The following NUDT3 variants were observed in gnomAD, a reference collection of about 807,000 sequenced individuals.
NUDT3 encodes diphosphoinositol polyphosphate phosphohydrolase 1.
In NUDT3, 9 loss-of-function variants were observed where a neutral mutation model predicts 23.6. The ratio of observed to expected loss-of-function variants is 0.38; its 90% confidence interval spans 0.23 to 0.66. NUDT3 has a LOEUF of 0.66. Among genes scored for constraint, NUDT3 ranks in the 30% least tolerant of loss-of-function variants. The probability of loss-of-function intolerance (pLI) is 0.52; values close to 1 mark genes in which losing one functional copy is unlikely to be tolerated. For synonymous variants in NUDT3, 86 were observed against 82.6 expected, an observed-to-expected ratio of 1.04 and a Z score of -0.22; for missense variants, 172 against 218.5, an observed-to-expected ratio of 0.79 and a Z score of 1.34.
intron 2 of NUDT3, among the ~76,000 whole-genome samples, chr6:34,308,636 G>C (rs73744878): frequency 6.6e-6 from 1 of 152,030 alleles, no homozygotes; most frequent in Non-Finnish European, 1.5e-5. Context: ...ATGCAAGCAG[G>C]AGTAACTAAC....
intron 2 of NUDT3, among the ~76,000 whole-genome samples, chr6:34,338,630 T>C (rs1328233651): frequency 6.6e-6 from 1 of 152,228 alleles, no homozygotes; most frequent in Non-Finnish European, 1.5e-5. Context: ...GTGCAGACTC[T>C]GAACTGGATT....
At chr6:34,375,456 C>T (rs775540586) in intron 1 of NUDT3, among the ~76,000 whole-genome samples, 3 of 152,156 alleles carry the variant, frequency 2.0e-5, no homozygotes, top group African/African-American at 4.8e-5. Context: ...CACAGAAGGC[C>T]CACAATTGTT....
chr6:34,295,242 G>A (rs1031989647), intron 3 of NUDT3, among the ~76,000 whole-genome samples: 4 of 151,922 alleles, frequency 2.6e-5, no homozygotes, highest in African/African-American at 9.7e-5. Context: ...ACTCACCGAG[G>A]TTGGGCATGG....
intron 2 of NUDT3, among the ~76,000 whole-genome samples, chr6:34,314,859 T>C (rs572669122): frequency 6.8e-4 from 103 of 152,306 alleles, no homozygotes; most frequent in African/African-American, 2.4e-3. Context: ...TATTATATCA[T>C]GATATCTATG....
intron 2 of NUDT3, among the ~76,000 whole-genome samples, chr6:34,302,474 T>C (rs1763613571): frequency 6.6e-6 from 1 of 152,228 alleles, no homozygotes; most frequent in Non-Finnish European, 1.5e-5. Context: ...GGCTCATGCC[T>C]GTAATCCCAG....
At chr6:34,324,708 G>A (rs1763996220) in intron 2 of NUDT3, among the ~76,000 whole-genome samples, 1 of 152,154 alleles carries the variant, frequency 6.6e-6, no homozygotes, top group Non-Finnish European at 1.5e-5. Flanking sequence ...ATAGTCAATA[G>A]TATCTACCAT....
chr6:34,338,923 A>G (rs1764249525), intron 2 of NUDT3, among the ~76,000 whole-genome samples: 1 of 152,252 alleles, frequency 6.6e-6, no homozygotes, highest in South Asian at 2.1e-4. Flanking sequence ...TGATTTATTA[A>G]GGGATAAAAA....
At chr6:34,370,478 G>A (rs1764809337) in intron 1 of NUDT3, among the ~76,000 whole-genome samples, 1 of 152,192 alleles carries the variant, frequency 6.6e-6, no homozygotes, top group South Asian at 2.1e-4. Flanking sequence ...CTGCTTCTGG[G>A]TCAGACAGCC....
intron 1 of NUDT3, among the ~76,000 whole-genome samples, chr6:34,353,647 G>A (rs572867920): frequency 7.2e-5 from 11 of 151,778 alleles, no homozygotes; most frequent in African/African-American, 1.9e-4. Flanking sequence ...CAAGTGATCC[G>A]CCTGCCTTGG....
At chr6:34,344,658 CT>C (rs1022169419) in intron 1 of NUDT3, among the ~76,000 whole-genome samples, 17 of 147,782 alleles carry the variant, frequency 1.2e-4, no homozygotes, top group Non-Finnish European at 9.0e-5. Flanking sequence ...ATGAATTGTT[CT>C]TTTTTTTTTT....
rs1375008238 is a variant in NUDT3 at position 34,286,913 on chromosome 6, C to T, written c.*1840G>A. ...TCAAGCGATTATCTCGCCTCAGCCT[C>T]CCAAGTAGCTGGGATTACAGGCGCC... On this transcript the variant is annotated 3_prime_UTR_variant, in exon 5 of 5. Coordinates refer to ENST00000607016, the MANE Select transcript of NUDT3 (RefSeq NM_006703.4). The T allele has an allele frequency of 6.6e-6, 1 of 151,736 alleles. No individual in the cohort carries two copies. The highest frequency in any genetic ancestry group is 6.6e-5 in the Admixed American group (1 of 15,240). The allele number at this position is 151,736 out of a possible 1,614,324, so 9.4% of individuals were successfully genotyped here.
chr6:34,337,692 CAACA>C (rs57348661), intron 2 of NUDT3, among the ~76,000 whole-genome samples: 4,457 of 152,264 alleles, frequency 0.029, 196 homozygotes, highest in African/African-American at 0.098. Context: ...GCAACAGTGA[CAACA>C]AATAAGGTGA....
chr6:34,337,193 A>C (rs867735702), intron 2 of NUDT3, among the ~76,000 whole-genome samples: 2 of 152,300 alleles, frequency 1.3e-5, no homozygotes, highest in African/African-American at 4.8e-5. Flanking sequence ...TTATCCTCTC[A>C]ATAATGCTGG....
At chr6:34,355,827 G>A (rs969548705) in intron 1 of NUDT3, among the ~76,000 whole-genome samples, 23 of 151,942 alleles carry the variant, frequency 1.5e-4, no homozygotes, top group Non-Finnish European at 1.2e-4. Flanking sequence ...AAGAGGAAAG[G>A]GTTTGGGGAA....
chr6:34,348,258 C>A (rs1764410678), intron 1 of NUDT3, among the ~76,000 whole-genome samples: 1 of 151,860 alleles, frequency 6.6e-6, no homozygotes, highest in Non-Finnish European at 1.5e-5. Flanking sequence ...TGCATTCCAG[C>A]CTGGGCAATG....
intron 4 of NUDT3, among the ~76,000 whole-genome samples, chr6:34,291,514 T>C (rs190281480): frequency 6.6e-6 from 1 of 151,174 alleles, no homozygotes; most frequent in East Asian, 1.9e-4. Context: ...TGACAAAAAT[T>C]TTTTTTTTTG....
At chr6:34,305,718 G>C (rs139548679) in intron 2 of NUDT3, among the ~76,000 whole-genome samples, 1 of 152,164 alleles carries the variant, frequency 6.6e-6, no homozygotes, top group African/African-American at 2.4e-5. Context: ...ATGATGTGAA[G>C]TGCTTTCACA....
intron 2 of NUDT3, among the ~76,000 whole-genome samples, chr6:34,299,875 C>G (rs1273090728): frequency 6.6e-6 from 1 of 150,988 alleles, no homozygotes; most frequent in Non-Finnish European, 1.5e-5. Context: ...TGCACTCCAG[C>G]CTGGGTGACA....
Position 34,345,205 on chromosome 6 carries a change from C to T in NUDT3, c.100-3233G>A, listed in dbSNP as rs948753293. Among the ~76,000 whole-genome samples, 70 of 151,872 alleles carry T rather than the reference C, an allele frequency of 4.6e-4. 1 individual carries two copies. Among genetic ancestry groups the T allele is most frequent in the East Asian group, 4.0e-3 (20 of 5,046 alleles). The stretch of plus-strand genomic sequence containing the variant: ...CTGGGATTACAGGTGCCCACGACCA[C>T]GTCCAGCTAATTTTTTGTATTTTTA... On this transcript the variant is annotated intron_variant, in intron 1 of 4. Transcript: ENST00000607016.
Sources: allele counts gnomAD v4.1 joint callset (sites outside exome capture counted in the v4.1 genomes callset), GRCh38; gene constraint gnomAD v4.1.1; transcripts MANE v1.5; gene names NCBI Gene and HGNC (gene_info 2026-07-23, HGNC 2026-07-21).